ARHGAP15: variants seen among roughly 807,000 people sequenced by gnomAD.
The protein encoded by ARHGAP15 is rho GTPase-activating protein 15.
A neutral mutation model predicts 63.7 loss-of-function variants in ARHGAP15; 51 were observed. That is an observed-to-expected ratio of 0.80 (90% CI 0.64 to 1.01). The LOEUF is 1.01. Among genes scored for constraint, ARHGAP15 ranks in the 50% least tolerant of loss-of-function variants. The pLI is 0.00. For missense variants in ARHGAP15, 560 were observed against 564.6 expected (o/e 0.99, Z 0.08); for synonymous variants, 191 against 193.8 (o/e 0.99, Z 0.12).
At chr2:143,714,095 T>C (rs2105447286) in intron 13 of ARHGAP15, among the ~76,000 whole-genome samples, 1 of 152,296 alleles carries the variant, frequency 6.6e-6, no homozygotes, top group South Asian at 2.1e-4. Flanking sequence ...TAGCAGAAGT[T>C]CTCCATGAGG....
chr2:143,578,573 G>T (rs778116275), intron 11 of ARHGAP15, among the ~76,000 whole-genome samples: 2 of 152,018 alleles, frequency 1.3e-5, no homozygotes, highest in African/African-American at 4.8e-5. Flanking sequence ...TAAAAAAGGT[G>T]GGGGGGTAGT....
chr2:143,708,361 G>A (rs1384979876), intron 13 of ARHGAP15, among the ~76,000 whole-genome samples: 1 of 151,968 alleles, frequency 6.6e-6, no homozygotes, highest in Non-Finnish European at 1.5e-5. Context: ...AATAAATATA[G>A]CAAGAATTAC....
intron 6 of ARHGAP15, among the ~76,000 whole-genome samples, chr2:143,389,354 G>A (rs1489705113): frequency 6.6e-6 from 1 of 151,846 alleles, no homozygotes; most frequent in Non-Finnish European, 1.5e-5. Flanking sequence ...TTCACTTTAC[G>A]GTTATTCTTA....
At chr2:143,338,914 A>T (rs1684930327) in intron 6 of ARHGAP15, among the ~76,000 whole-genome samples, 1 of 152,150 alleles carries the variant, frequency 6.6e-6, no homozygotes, top group Admixed American at 6.6e-5. Context: ...CACTGTGTTG[A>T]TAAAAATTCT....
chr2:143,397,084 C>T (rs753486003), intron 6 of ARHGAP15, among the ~76,000 whole-genome samples: 1 of 152,028 alleles, frequency 6.6e-6, no homozygotes, highest in Non-Finnish European at 1.5e-5. Context: ...GAGAAAAAGT[C>T]CACAGACTCC....
chr2:143,647,337 A>G (rs909405750), intron 12 of ARHGAP15, among the ~76,000 whole-genome samples: 2 of 149,100 alleles, frequency 1.3e-5, no homozygotes, highest in African/African-American at 4.9e-5. Flanking sequence ...GAGCATGGTT[A>G]ATTAGGATAT....
chr2:143,735,408 A>G (rs1685705685), intron 13 of ARHGAP15, among the ~76,000 whole-genome samples: 1 of 152,130 alleles, frequency 6.6e-6, no homozygotes, highest in Non-Finnish European at 1.5e-5. Flanking sequence ...GTTTCTTTCC[A>G]TTTCTAAACT....
intron 11 of ARHGAP15, among the ~76,000 whole-genome samples, chr2:143,579,871 A>T (rs1696824113): frequency 6.6e-6 from 1 of 150,914 alleles, no homozygotes; most frequent in South Asian, 2.1e-4. Flanking sequence ...CATTTGTTTT[A>T]TTTTTTTATT....
At chr2:143,275,081 C>T (rs1250678261) in intron 6 of ARHGAP15, among the ~76,000 whole-genome samples, 1 of 152,050 alleles carries the variant, frequency 6.6e-6, no homozygotes, top group African/African-American at 2.4e-5. Context: ...TCACTTGAAC[C>T]TGGTAGGCAG....
intron 12 of ARHGAP15, among the ~76,000 whole-genome samples, chr2:143,644,786 G>T (rs1041705902): frequency 6.6e-6 from 1 of 151,908 alleles, no homozygotes; most frequent in African/African-American, 2.4e-5. Context: ...ATATAAATGT[G>T]TATGCATGTT....
chr2:143,254,794 T>A (rs1219180378), intron 6 of ARHGAP15, among the ~76,000 whole-genome samples: 1 of 152,108 alleles, frequency 6.6e-6, no homozygotes, highest in Non-Finnish European at 1.5e-5. Flanking sequence ...CTGAACACTT[T>A]TTAGCTGAAT....
At chr2:143,227,055 A>G (rs1693238923) in intron 4 of ARHGAP15, among the ~76,000 whole-genome samples, 1 of 152,240 alleles carries the variant, frequency 6.6e-6, no homozygotes, top group African/African-American at 2.4e-5. Flanking sequence ...TTGTGAAATG[A>G]ATTCAACTGT....
At chr2:143,229,579 T>C (rs1034618874) in intron 5 of ARHGAP15, among the ~76,000 whole-genome samples, 1 of 152,064 alleles carries the variant, frequency 6.6e-6, no homozygotes, top group Non-Finnish European at 1.5e-5. Context: ...GCCTCCTGAT[T>C]AGGAAGGACT....
intron 12 of ARHGAP15, among the ~76,000 whole-genome samples, chr2:143,664,390 C>G (rs1436571191): frequency 6.6e-6 from 1 of 151,766 alleles, no homozygotes; most frequent in Admixed American, 6.6e-5. Flanking sequence ...ACACAACATA[C>G]CAGAATCTCT....
At chr2:143,576,567 T>C (rs1354556937) in intron 11 of ARHGAP15, among the ~76,000 whole-genome samples, 1 of 152,162 alleles carries the variant, frequency 6.6e-6, no homozygotes, top group Non-Finnish European at 1.5e-5. Context: ...ATCTGAGTCT[T>C]ACACTCTATC....
At chr2:143,685,359 G>C (rs890078109) in intron 12 of ARHGAP15, among the ~76,000 whole-genome samples, 1 of 152,188 alleles carries the variant, frequency 6.6e-6, no homozygotes, top group Admixed American at 6.5e-5. Flanking sequence ...GTAAGAATTT[G>C]GTAGGGCTCT....
intron 11 of ARHGAP15, among the ~76,000 whole-genome samples, chr2:143,589,696 A>G (rs1373897867): frequency 6.6e-6 from 1 of 152,100 alleles, no homozygotes; most frequent in Non-Finnish European, 1.5e-5. Context: ...CATCAATCAA[A>G]TGGCTATGAT....
intron 10 of ARHGAP15, among the ~76,000 whole-genome samples, chr2:143,539,659 G>C (rs1039853603): frequency 1.5e-4 from 23 of 152,112 alleles, no homozygotes; most frequent in Non-Finnish European, 2.9e-4. Context: ...TTCAGGAGCA[G>C]GTTGTTCAGT....
chr2:143,195,031 A>G (rs1691834623), intron 2 of ARHGAP15, among the ~76,000 whole-genome samples: 3 of 152,172 alleles, frequency 2.0e-5, no homozygotes, highest in Admixed American at 6.5e-5. Flanking sequence ...ACTGCAGGTG[A>G]TGCAGATGTT....
Sources: allele counts gnomAD v4.1 joint callset (sites outside exome capture counted in the v4.1 genomes callset), GRCh38; gene constraint gnomAD v4.1.1; transcripts MANE v1.5; gene names NCBI Gene and HGNC (gene_info 2026-07-23, HGNC 2026-07-21).